Variants in ST7 observed in about 807,000 individuals in gnomAD.
ST7 encodes suppressor of tumorigenicity 7 protein.
Under a neutral mutation model 78.7 loss-of-function variants are expected in ST7, and 28 were observed. The observed-to-expected ratio is 0.36, with a 90% confidence interval of 0.26 to 0.49. The LOEUF (loss-of-function observed/expected upper bound fraction) is 0.49. ST7 is among the 20% of genes least tolerant of loss of function. The pLI is 0.99. For missense variants in ST7, 418 were observed against 696.0 expected (o/e 0.60, Z 4.49); for synonymous variants, 247 against 249.6 (o/e 0.99, Z 0.10).
intron 9 of ST7, chr7:117,145,700 T>C (rs1039179139): frequency 6.6e-6 from 1 of 152,176 alleles, no homozygotes; most frequent in Non-Finnish European, 1.5e-5. Flanking sequence ...GTCACATTCA[T>C]AGGTACTGAG....
At chr7:117,060,537 G>T (rs1455064087) in intron 1 of ST7, among the ~76,000 whole-genome samples, 2 of 152,180 alleles carry the variant, frequency 1.3e-5, no homozygotes, top group African/African-American at 4.8e-5. Context: ...AAATAGAATA[G>T]AACCCACAGT....
At chr7:117,052,489 CT>C (rs1169395321) in intron 1 of ST7, among the ~76,000 whole-genome samples, 3 of 152,144 alleles carry the variant, frequency 2.0e-5, no homozygotes, top group Non-Finnish European at 2.9e-5. Flanking sequence ...TTAATAATAA[CT>C]TTTTTTGTTA....
intron 2 of ST7, among the ~76,000 whole-genome samples, chr7:117,107,127 A>ATG (rs2116856539): frequency 6.6e-6 from 1 of 152,200 alleles, no homozygotes; most frequent in South Asian, 2.1e-4. Context: ...ATATATATAT[A>ATG]TGTATACATA....
At chr7:117,042,047 T>C (rs17139275) in intron 1 of ST7, among the ~76,000 whole-genome samples, 1 of 152,190 alleles carries the variant, frequency 6.6e-6, no homozygotes, top group East Asian at 1.9e-4. Context: ...TGGATGACCT[T>C]ACATAACCTT....
chr7:117,152,177 CTATATATATATATATATATATATATATA>C (rs58892731), intron 9 of ST7, among the ~76,000 whole-genome samples: 16,590 of 67,044 alleles, frequency 0.25, 1,670 homozygotes, highest in Admixed American at 0.3. Context: ...TATATAAAAA[CTATATATATATATATATATATATATATA>C]TATATATATA....
intron 1 of ST7, among the ~76,000 whole-genome samples, chr7:116,966,542 C>T (rs570852240): frequency 2.2e-4 from 34 of 152,222 alleles, no homozygotes; most frequent in African/African-American, 7.7e-4. Flanking sequence ...TGAGCTACTG[C>T]GCCCAGCCGA....
rs531734168 is a variant in ST7, at chr7:116,998,215, G to A, written c.151+44524G>A. On this transcript the variant is annotated intron_variant, in intron 1 of 15. Coordinates refer to ENST00000323984, the MANE Select transcript of ST7 (RefSeq NM_001369598.1). ...GGCCGGCACTGCTGGGGGACCCGGC[G>A]CACCCTCTGCAGCTGCTGGCCTGGG... 7.6e-4 allele frequency among the ~76,000 whole-genome samples: 115 copies of A among 152,316 alleles called. No individual in the cohort carries two copies. The South Asian group carries it at 8.1e-3, about 11-fold the overall frequency.
chr7:117,229,775 T>C lies in ST7; in HGVS notation c.1652T>C (p.Leu551Ser). Reference sequence around the variant, plus strand: ...GTTTCTTTGCAGTTCCTCAGCACTTTGTTTGCCCCCTTAAACTTTGTCATG... The same window carrying C: ...GTTTCTTTGCAGTTCCTCAGCACTTCGTTTGCCCCCTTAAACTTTGTCATG... Reference protein sequence around the residue: ...GVFAKAFLSTLFAPLNFVMEK... With the variant: ...GVFAKAFLSTSFAPLNFVMEK... The change falls in exon 16 of 16, where the codon TTG (leucine) becomes TCG (serine). Residue 551 changes from leucine (L) to serine (S), a missense_variant. By Grantham distance (145) the Leu-to-Ser change is moderately radical. Coordinates refer to ENST00000323984, the MANE Select transcript of ST7 (RefSeq NM_001369598.1). 1 of 1,612,342 alleles carries C rather than the reference T, an allele frequency of 6.2e-7. No homozygotes were observed. The highest frequency in any genetic ancestry group is 8.5e-7 in the Non-Finnish European group (1 of 1,179,362).
At position 117,190,800 on chromosome 7, in the gene ST7, C is replaced by A. The variant is rs1461016073; in HGVS notation, c.1152-34C>A. 1.9e-6 allele frequency: 3 copies of A among 1,585,530 alleles called. No homozygotes were observed. The highest frequency in any genetic ancestry group is 2.6e-6 in the Non-Finnish European group (3 of 1,154,956). ...CCGGGTTGATGCCCAAGCAGTGGTCCCACCTGGATGGTTTTTGTCTTTCTG... is the reference window on the plus strand; with the variant it reads ...CCGGGTTGATGCCCAAGCAGTGGTCACACCTGGATGGTTTTTGTCTTTCTG... On this transcript the variant is annotated intron_variant, in intron 11 of 15. Coordinates refer to ENST00000323984, the MANE Select transcript of ST7 (RefSeq NM_001369598.1). This position sits in a 1 kb window ranked among gnomAD's most constrained non-coding sequence, Gnocchi z 5.2.
chr7:117,020,320 A>G, intron 1 of ST7: 1 of 442,022 alleles, frequency 2.3e-6, no homozygotes, highest in Non-Finnish European at 4.0e-6. Flanking sequence ...GCATCCCAGA[A>G]GAGGCACGTC....
At chr7:117,010,006 T>G in intron 1 of ST7, among the ~76,000 whole-genome samples, 1 of 152,232 alleles carries the variant, frequency 6.6e-6, no homozygotes, top group East Asian at 1.9e-4. Flanking sequence ...TCTGAAGGTT[T>G]GGAGTTTGGT....
chr7:117,035,738 A>T (rs1475083719), intron 1 of ST7, among the ~76,000 whole-genome samples: 1 of 152,122 alleles, frequency 6.6e-6, no homozygotes. Flanking sequence ...GATAAAACTG[A>T]GTTAGGTTTA....
chr7:117,229,702 T>G, intron 15 of ST7, 60 bp from the exon 16 acceptor site: 2 of 1,399,950 alleles, frequency 1.4e-6, no homozygotes, highest in South Asian at 1.3e-5. Flanking sequence ...TGGAGAGGTT[T>G]GTTTTATAGT....
At chr7:117,112,930 G>C (rs1034810527) in intron 2 of ST7, among the ~76,000 whole-genome samples, 3 of 152,192 alleles carry the variant, frequency 2.0e-5, no homozygotes, top group African/African-American at 7.2e-5. Flanking sequence ...CTTCTGCAGG[G>C]GACCCCGTGT....
chr7:117,075,643 AAG>A (rs1329967348), intron 1 of ST7, among the ~76,000 whole-genome samples: 1 of 152,192 alleles, frequency 6.6e-6, no homozygotes, highest in Non-Finnish European at 1.5e-5. Flanking sequence ...AGTGTGAAAA[AAG>A]AGAGCTGGAG....
chr7:117,063,616 G>A (rs1160341846), intron 1 of ST7, among the ~76,000 whole-genome samples: 1 of 152,090 alleles, frequency 6.6e-6, no homozygotes, highest in Non-Finnish European at 1.5e-5. Flanking sequence ...GGCTGAAGTG[G>A]GAGGATCATC....
intron 1 of ST7, among the ~76,000 whole-genome samples, chr7:116,999,550 T>C (rs888799039): frequency 1.3e-5 from 2 of 152,188 alleles, no homozygotes; most frequent in Admixed American, 1.3e-4. Flanking sequence ...ACGCAGAGCA[T>C]TGTGAGTGAT....
intron 1 of ST7, chr7:117,098,876 C>A: frequency 4.8e-6 from 6 of 1,253,684 alleles, no homozygotes; most frequent in Non-Finnish European, 5.3e-6. Flanking sequence ...ATATAAATAA[C>A]AATGACTTAA....
chr7:117,214,391 C>G (rs532279819), intron 13 of ST7, among the ~76,000 whole-genome samples: 166 of 152,040 alleles, frequency 1.1e-3, no homozygotes, highest in Non-Finnish European at 1.8e-3. Context: ...GGAAAATGGC[C>G]CATTGTTGAA....
Sources: gnomAD v4.1 joint callset for allele counts (sites outside exome capture counted in the v4.1 genomes callset) on GRCh38, gnomAD v4.1.1 for gene constraint, Gnocchi (gnomAD v3.1) non-coding constraint, MANE v1.5 for transcripts, NCBI Gene and HGNC (gene_info 2026-07-23, HGNC 2026-07-21) for gene names.